PCDHGB5: variants seen among roughly 807,000 people sequenced by gnomAD.
PCDHGB5 encodes protocadherin gamma subfamily B, 5, also known as protocadherin gamma-B5.
PCDHGB5 carries 48 observed loss-of-function variants against 62.9 expected under a neutral mutation model. The ratio of observed to expected loss-of-function variants is 0.76; its 90% CI spans 0.61 to 0.97. The LOEUF (loss-of-function observed/expected upper bound fraction) is 0.97, where lower values mean the gene tolerates loss of function less well. PCDHGB5 is among the 50% of genes least tolerant of loss of function. The pLI is 0.00. For synonymous variants in PCDHGB5, 474 were observed against 511.2 expected (o/e 0.93, Z 0.98); for missense variants, 1,118 against 1,198.6 (o/e 0.93, Z 0.99).
intron 1 of PCDHGB5, among the ~76,000 whole-genome samples, chr5:141,464,723 T>A (rs1166321691): frequency 6.6e-6 from 1 of 152,156 alleles, no homozygotes; most frequent in Non-Finnish European, 1.5e-5. Flanking sequence ...TTTCATATGT[T>A]TAAAAGCCAG....
chr5:141,497,573 T>C (rs1231425210), intron 2 of PCDHGB5, among the ~76,000 whole-genome samples: 1 of 149,502 alleles, frequency 6.7e-6, no homozygotes, highest in South Asian at 2.1e-4. Context: ...AGAGTCTTGC[T>C]CTGTTGCCCA....
In PCDHGB5 at chr5:141,477,836, G is replaced by T. The variant is rs1344676631; in HGVS notation, c.2398-16971G>T. On this transcript the variant is annotated intron_variant, in intron 1 of 3. Transcript: ENST00000617380. This position sits in a 1 kb window ranked among gnomAD's most constrained non-coding sequence, Gnocchi z 4.9. ...CCAGGTCCTATATCCTCGGCCAGGT[G>T]GGAGCTCGGTGGAGATGCTGCCTCG... The T allele has an allele frequency of 1.2e-6, 2 of 1,613,952 alleles. No individual in the cohort carries two copies. Among genetic ancestry groups the T allele is most frequent in the Non-Finnish European group, 1.7e-6 (2 of 1,180,012 alleles).
chr5:141,459,025 A>C (rs2098959135), intron 1 of PCDHGB5, among the ~76,000 whole-genome samples: 1 of 152,336 alleles, frequency 6.6e-6, no homozygotes, highest in Non-Finnish European at 1.5e-5. Flanking sequence ...GAGCCACCAC[A>C]TCCAGCCTTA....
intron 1 of PCDHGB5, chr5:141,478,905 G>T (rs1593970684): frequency 1.1e-6 from 1 of 930,214 alleles, no homozygotes; most frequent in East Asian, 2.7e-5. Flanking sequence ...GGAATAAGCT[G>T]CTGGATACCT....
In PCDHGB5 at chr5:141,403,333, C is replaced by T. The variant is rs376895778; in HGVS notation, c.2397+2809C>T. On this transcript the variant is annotated intron_variant, in intron 1 of 3. Transcript: ENST00000617380. ...TAGAAATAGAAGTAACTGATATTAA[C>T]GACAGCGCCCCAAAGTTCCAGGCCG... is the stretch of plus-strand genomic sequence containing the variant. 5 of 1,613,866 alleles carry T rather than the reference C, an allele frequency of 3.1e-6. No homozygotes were observed. The African/African-American group carries it at 5.3e-5, about 17-fold the overall frequency.
chr5:141,433,245 A>C, intron 1 of PCDHGB5: 3 of 1,459,776 alleles, frequency 2.1e-6, no homozygotes, highest in Non-Finnish European at 2.8e-6. Context: ...CCAAGCTGGA[A>C]TGCAGCGGTA....
intron 2 of PCDHGB5, among the ~76,000 whole-genome samples, chr5:141,500,948 A>G (rs1055841985): frequency 1.8e-4 from 28 of 151,592 alleles, no homozygotes; most frequent in Non-Finnish European, 4.4e-5. Context: ...GGCTCACTGC[A>G]AGCTCCACCT....
rs762530904 is a variant in PCDHGB5, at chr5:141,422,966, C to T, written c.2397+22442C>T. The T allele has an allele frequency of 2.5e-6, 4 of 1,614,112 alleles. No individual in the cohort carries two copies. The East Asian group carries it at 8.9e-5, about 36-fold the overall frequency. ...GGCTCCACTGGCGTGGAGCTGGCGC[C>T]CCGCTCTGCGGAACCTGGCTACCTG... On this transcript the variant is annotated intron_variant, in intron 1 of 3. Coordinates refer to ENST00000617380, the MANE Select transcript of PCDHGB5 (RefSeq NM_018925.3).
intron 1 of PCDHGB5, among the ~76,000 whole-genome samples, chr5:141,457,931 T>G (rs1335457669): frequency 6.6e-6 from 1 of 152,184 alleles, no homozygotes; most frequent in Non-Finnish European, 1.5e-5. Context: ...CCAAGGGGCT[T>G]TTATTGGCTC....
At chr5:141,405,420 T>A in intron 1 of PCDHGB5, 1 of 1,509,592 alleles carries the variant, frequency 6.6e-7, no homozygotes, top group Non-Finnish European at 9.0e-7. Flanking sequence ...TTTTTGTTTT[T>A]TGTTTTGTTT....
chr5:141,453,077 T>C (rs2098755487), intron 1 of PCDHGB5, among the ~76,000 whole-genome samples: 1 of 152,090 alleles, frequency 6.6e-6, no homozygotes, highest in African/African-American at 2.4e-5. Context: ...CACACTCTGG[T>C]TGATTAGTAT....
chr5:141,418,413 A>T, intron 1 of PCDHGB5: 1 of 1,614,048 alleles, frequency 6.2e-7, no homozygotes, highest in Non-Finnish European at 8.5e-7. Flanking sequence ...GAGAAAGACA[A>T]TCCTGATGGT....
intron 1 of PCDHGB5, chr5:141,428,413 C>A: frequency 2.2e-6 from 1 of 461,904 alleles, no homozygotes; most frequent in Non-Finnish European, 4.0e-6. Context: ...TTGCTTTCAC[C>A]CTGGTCTCTG....
rs1308015959 is a variant in PCDHGB5, at chr5:141,482,105, AT to A, written c.2398-12701del. Among the ~76,000 whole-genome samples, 417 of 143,332 alleles carry A rather than the reference AT, an allele frequency of 2.9e-3. 1 individual carries two copies. The highest frequency in any genetic ancestry group is 0.011 in the African/African-American group (394 of 37,394). 94.0% of individuals were successfully genotyped at this position (143,332 alleles called of 152,430 possible). Reference sequence around the variant, plus strand: ...ACTCCATCTCAAAAAAAAAAAAAAAATATCTAGAGATGGGAGAATCATATGG... The same window carrying A: ...ACTCCATCTCAAAAAAAAAAAAAAAAATCTAGAGATGGGAGAATCATATGG... On this transcript the variant is annotated intron_variant, in intron 1 of 3. Coordinates refer to ENST00000617380, the MANE Select transcript of PCDHGB5 (RefSeq NM_018925.3).
intron 3 of PCDHGB5, among the ~76,000 whole-genome samples, chr5:141,508,528 C>T (rs2099869454): frequency 6.6e-6 from 1 of 152,186 alleles, no homozygotes; most frequent in Admixed American, 6.5e-5. Context: ...AACCTCAGGG[C>T]ACCCCCCACG....
At chr5:141,484,359 T>A (rs1218120598) in intron 1 of PCDHGB5, among the ~76,000 whole-genome samples, 1 of 152,222 alleles carries the variant, frequency 6.6e-6, no homozygotes, top group Non-Finnish European at 1.5e-5. Context: ...GTGTATCTAG[T>A]GTATCACTAG....
At chr5:141,462,781 G>C (rs893647456) in intron 1 of PCDHGB5, among the ~76,000 whole-genome samples, 1 of 152,102 alleles carries the variant, frequency 6.6e-6, no homozygotes, top group Non-Finnish European at 1.5e-5. Flanking sequence ...GTCATAATTT[G>C]TTGCTTATTT....
Position 141,489,978 on chromosome 5 carries a change from T to C in PCDHGB5, c.2398-4829T>C. 6.2e-7 allele frequency: 1 copy of C among 1,614,192 alleles called. No homozygotes were observed. Among genetic ancestry groups the C allele is most frequent in the Non-Finnish European group, 8.5e-7 (1 of 1,180,012 alleles). On this transcript the variant is annotated intron_variant, in intron 1 of 3. Coordinates refer to ENST00000617380, the MANE Select transcript of PCDHGB5 (RefSeq NM_018925.3). The surrounding 1 kb of genome is among the most constrained non-coding windows in gnomAD (Gnocchi z 4.5). ...ATGCTCCAACCTTCCAATCCTCAGT[T>C]CTACGTGTGGGAATCCCAGAGAATG...
At chr5:141,462,547 T>G (rs534942187) in intron 1 of PCDHGB5, among the ~76,000 whole-genome samples, 1 of 152,330 alleles carries the variant, frequency 6.6e-6, no homozygotes, top group African/African-American at 2.4e-5. Flanking sequence ...TCTTTTCTTC[T>G]TCAGTGTTTA....
Sources: allele counts gnomAD v4.1 joint callset (sites outside exome capture counted in the v4.1 genomes callset), GRCh38; gene constraint gnomAD v4.1.1; non-coding constraint Gnocchi (gnomAD v3.1); transcripts MANE v1.5; gene names NCBI Gene and HGNC (gene_info 2026-07-23, HGNC 2026-07-21).